SUFU: variants seen among roughly 807,000 people sequenced by gnomAD.
SUFU encodes the protein SUFU negative regulator of hedgehog signaling, also known as suppressor of fused homolog.
In SUFU, 7 loss-of-function variants were observed where a neutral mutation model predicts 58.9. That is an observed-to-expected ratio of 0.12 (90% CI 0.07 to 0.22). SUFU has a LOEUF of 0.22. Ranked by LOEUF, SUFU falls within the 10% of genes least tolerant of loss-of-function variation. SUFU has a pLI of 1.00. For synonymous variants in SUFU, 232 were observed against 254.8 expected (o/e 0.91, Z 0.85); for missense variants, 451 against 641.3 (o/e 0.70, Z 3.20).
intron 3 of SUFU, among the ~76,000 whole-genome samples, chr10:102,574,960 G>A (rs2135813074): frequency 6.6e-6 from 1 of 152,176 alleles, no homozygotes; most frequent in South Asian, 2.1e-4. Context: ...GGAGGCTGAG[G>A]CAGGAGAATC....
At position 102,603,028 on chromosome 10, in the gene SUFU, T is replaced by G. The variant is rs1325565728; in HGVS notation, c.1022+3484T>G. Among the ~76,000 whole-genome samples the G allele has an allele frequency of 4.6e-5, 7 of 152,180 alleles. No homozygotes were observed. In the East Asian group the frequency reaches 7.7e-4, roughly 17 times the overall value. ...GTGCCTGCCAATATCTGTAGAGATTTGAGGAGGGAAAAGTTCCTGGGCATC... is the reference window on the plus strand; with the variant it reads ...GTGCCTGCCAATATCTGTAGAGATTGGAGGAGGGAAAAGTTCCTGGGCATC... On this transcript the variant is annotated intron_variant, in intron 8 of 11. Coordinates refer to ENST00000369902, the MANE Select transcript of SUFU (RefSeq NM_016169.4).
intron 2 of SUFU, among the ~76,000 whole-genome samples, chr10:102,526,747 A>G (rs1042880707): frequency 1.3e-5 from 2 of 152,028 alleles, no homozygotes; most frequent in African/African-American, 4.8e-5. Flanking sequence ...CACCGTTCAC[A>G]TTATTCTGTG....
chr10:102,505,791 G>A (rs2062317695), intron 1 of SUFU, among the ~76,000 whole-genome samples: 1 of 152,184 alleles, frequency 6.6e-6, no homozygotes, highest in African/African-American at 2.4e-5. Flanking sequence ...GTTGAGAGGA[G>A]TTGTTGAAGA....
intron 2 of SUFU, among the ~76,000 whole-genome samples, chr10:102,534,843 G>A (rs1564669374): frequency 6.6e-6 from 1 of 152,146 alleles, no homozygotes. Context: ...TGCGGTTTAG[G>A]TTTCTCTATA....
chr10:102,509,346 G>C, intron 2 of SUFU, 43 bp downstream of exon 2: 1 of 1,610,684 alleles, frequency 6.2e-7, no homozygotes, highest in Non-Finnish European at 8.5e-7. Context: ...CCTTATTCCT[G>C]AGGTCTTCCT....
In SUFU at chr10:102,630,138, G is replaced by A. The variant is rs1318484622; in HGVS notation, c.1438G>A (p.Asp480Asn). 2 of 1,614,166 alleles carry A rather than the reference G, an allele frequency of 1.2e-6. No homozygotes were observed. The highest frequency in any genetic ancestry group is 1.7e-6 in the Non-Finnish European group (2 of 1,180,008). Residue 480 changes from aspartate (D) to asparagine (N), a missense_variant, in exon 12 of 12, where the codon GAC becomes AAC. Physicochemically the swap from Asp to Asn is conservative, Grantham distance 23 (BLOSUM62 1). Coordinates refer to ENST00000369902, the MANE Select transcript of SUFU (RefSeq NM_016169.4). ...KVSILPDVVF[D>N]SPLH ...CTCCATCCTGCCTGACGTGGTGTTC[G>A]ACAGTCCGCTACACTAGCCTGGGCT...
intron 3 of SUFU, among the ~76,000 whole-genome samples, chr10:102,555,502 A>G (rs1278750990): frequency 6.6e-6 from 1 of 152,180 alleles, no homozygotes; most frequent in Non-Finnish European, 1.5e-5. Context: ...CTCGTTTTGT[A>G]CATCATATTA....
intron 3 of SUFU, among the ~76,000 whole-genome samples, chr10:102,563,017 A>G (rs1432247678): frequency 6.6e-6 from 1 of 152,134 alleles, no homozygotes; most frequent in Non-Finnish European, 1.5e-5. Context: ...AGATGAGGCG[A>G]TAGGGAGGTG....
At chr10:102,544,191 CA>C (rs2062831628) in intron 2 of SUFU, among the ~76,000 whole-genome samples, 1 of 152,176 alleles carries the variant, frequency 6.6e-6, no homozygotes, top group African/African-American at 2.4e-5. Context: ...CAAACTCCAT[CA>C]GTGTTTCTCA....
At chr10:102,568,334 A>G in intron 3 of SUFU, among the ~76,000 whole-genome samples, 1 of 152,118 alleles carries the variant, frequency 6.6e-6, no homozygotes, top group East Asian at 1.9e-4. Context: ...AGAGATTTTC[A>G]TGTTTTACTT....
chr10:102,605,161 C>T (rs2063551443), intron 8 of SUFU, among the ~76,000 whole-genome samples: 1 of 151,860 alleles, frequency 6.6e-6, no homozygotes, highest in African/African-American at 2.4e-5. Flanking sequence ...TTATGATCTG[C>T]CCGCCTCAGC....
chr10:102,525,650 G>A (rs2062601142), intron 2 of SUFU, among the ~76,000 whole-genome samples: 1 of 151,434 alleles, frequency 6.6e-6, no homozygotes, highest in African/African-American at 2.4e-5. Flanking sequence ...TTACAGGCAC[G>A]CAGTACCATG....
rs995804667 is a variant in SUFU, at chr10:102,619,893, G to A, written c.1296+2465G>A. ...CCTGGGGTTAGACTTGCAGTCGCCA[G>A]TGAGGGCCACTCCACTGGGCCAAGG... On this transcript the variant is annotated intron_variant, in intron 10 of 11. Transcript: ENST00000369902. This position sits in a 1 kb window ranked among gnomAD's most constrained non-coding sequence, Gnocchi z 4.2. 3.3e-5 allele frequency among the ~76,000 whole-genome samples: 5 copies of A among 152,180 alleles called. No homozygotes were observed. The highest frequency in any genetic ancestry group is 6.5e-5 in the Admixed American group (1 of 15,286).
chr10:102,530,607 C>T (rs1210621838), intron 2 of SUFU, among the ~76,000 whole-genome samples: 1 of 151,828 alleles, frequency 6.6e-6, no homozygotes, highest in Non-Finnish European at 1.5e-5. Flanking sequence ...GTTTGTGCCA[C>T]CATGCTTGGT....
chr10:102,505,575 G>A (rs1454070227), intron 1 of SUFU, among the ~76,000 whole-genome samples: 1 of 152,208 alleles, frequency 6.6e-6, no homozygotes, highest in East Asian at 1.9e-4. Flanking sequence ...TGCTTCCCCT[G>A]GACATCGGTG....
In SUFU at chr10:102,632,259, G is replaced by C. The variant is rs997159378; in HGVS notation, c.*2104G>C. On this transcript the variant is annotated 3_prime_UTR_variant, in exon 12 of 12. Coordinates refer to ENST00000369902, the MANE Select transcript of SUFU (RefSeq NM_016169.4). ...CAGACCTGGAGGGTCTTTGTGGACT[G>C]AAGGTAGACACCAGCCAGCATGGTG... is the stretch of plus-strand genomic sequence containing the variant. 2 of 233,272 alleles carry C rather than the reference G, an allele frequency of 8.6e-6. No individual in the cohort carries two copies. The highest frequency in any genetic ancestry group is 4.4e-5 in the African/African-American group (2 of 45,360). 14.5% of individuals were successfully genotyped at this position (233,272 alleles called of 1,614,324 possible).
chr10:102,518,810 C>T (rs531830622), intron 2 of SUFU, among the ~76,000 whole-genome samples: 122 of 151,564 alleles, frequency 8.0e-4, no homozygotes, highest in African/African-American at 2.8e-3. Flanking sequence ...GGATTATAGA[C>T]GTGAGTCACC....
At chr10:102,520,784 C>T (rs1564662920) in intron 2 of SUFU, among the ~76,000 whole-genome samples, 1 of 152,212 alleles carries the variant, frequency 6.6e-6, no homozygotes, top group East Asian at 1.9e-4. Flanking sequence ...TCCGCCGTGC[C>T]TTTTGGTGAC....
chr10:102,569,466 A>C (rs1197816838), intron 3 of SUFU, among the ~76,000 whole-genome samples: 3 of 152,166 alleles, frequency 2.0e-5, no homozygotes, highest in Non-Finnish European at 4.4e-5. Context: ...GGCTCTTGGA[A>C]AGCCCTGCAC....
Sources: allele counts gnomAD v4.1 joint callset (sites outside exome capture counted in the v4.1 genomes callset), GRCh38; gene constraint gnomAD v4.1.1; non-coding constraint Gnocchi (gnomAD v3.1); transcripts MANE v1.5; gene names NCBI Gene and HGNC (gene_info 2026-07-23, HGNC 2026-07-21).